TTK: variants seen among roughly 807,000 people sequenced by gnomAD.
The protein encoded by TTK is TTK protein kinase, also known as dual specificity protein kinase TTK.
A neutral mutation model predicts 117.3 loss-of-function variants in TTK; 59 were observed. The ratio of observed to expected loss-of-function variants is 0.50; its 90% confidence interval spans 0.41 to 0.62. The LOEUF (loss-of-function observed/expected upper bound fraction) is 0.62, where lower values mean the gene tolerates loss of function less well. TTK is among the 20% of genes least tolerant of loss of function. The pLI, the probability that TTK is intolerant of heterozygous loss-of-function variation, is 0.00. For synonymous variants in TTK, 302 were observed against 325.0 expected, an observed-to-expected ratio of 0.93 and a Z score of 0.76; for missense variants, 921 against 989.4, an observed-to-expected ratio of 0.93 and a Z score of 0.93.
chr6:80,040,386 C>T (rs952727841), intron 20 of TTK, 106 bp downstream of exon 20: 8 of 1,039,392 alleles, frequency 7.7e-6, no homozygotes, highest in African/African-American at 1.7e-5. Context: ...CCTTTGTCAG[C>T]CTGCCTTTTT....
At chr6:80,029,971 G>T (rs942158203) in intron 13 of TTK, among the ~76,000 whole-genome samples, 1 of 152,206 alleles carries the variant, frequency 6.6e-6, no homozygotes, top group Admixed American at 6.5e-5. Context: ...AGGCACAAAA[G>T]GAGGAGTGGG....
rs867311877 is a variant in TTK, at chr6:80,005,853, G to A, written c.10G>A (p.Glu4Lys). Residue 4 changes from glutamate to lysine, a missense_variant, in exon 2 of 22, where the codon GAG becomes AAG. Transcript: ENST00000369798. MES[E>K]DLSGRELTID... ...AGTTTTTTTCTTAGAAATGGAATCC[G>A]AGGATTTAAGTGGCAGAGAATTGAC... The A allele has an allele frequency of 2.5e-6, 4 of 1,611,880 alleles. No homozygotes were observed. Among genetic ancestry groups the A allele is most frequent in the Non-Finnish European group, 3.4e-6 (4 of 1,179,390 alleles).
intron 13 of TTK, among the ~76,000 whole-genome samples, chr6:80,030,538 G>T (rs1383870542): frequency 1.3e-5 from 2 of 152,098 alleles, no homozygotes; most frequent in Admixed American, 6.6e-5. Flanking sequence ...TTGGCTTCTG[G>T]GGAGGCCTCA....
At chr6:80,041,986 A>G in intron 21 of TTK, 133 bp from the exon 22 acceptor site, 1 of 489,812 alleles carries the variant, frequency 2.0e-6, no homozygotes, top group South Asian at 6.1e-5. Context: ...ATAGTTTATA[A>G]AATAATTTCC....
intron 4 of TTK, among the ~76,000 whole-genome samples, chr6:80,009,798 G>A (rs239554): frequency 0.62 from 93,310 of 151,288 alleles, 29,177 homozygotes; most frequent in Admixed American, 0.72. Context: ...CATCCCTGAA[G>A]TCCTATGCAG....
At position 80,014,558 on chromosome 6, in the gene TTK, G is replaced by A. The variant is rs200565788; in HGVS notation, c.1080G>A (p.Thr360=). 4.4e-6 allele frequency: 7 copies of A among 1,599,716 alleles called. No individual in the cohort carries two copies. In the East Asian group the frequency reaches 6.8e-5, roughly 15 times the overall value. ...ATTCAATAACCCTGAAGAATAAAAC[G>A]GAATCAAGTCTTCTAGCTAAATTAG... The part of the protein sequence containing the change: ...ITDSITLKNK[T]ESSLLAKLEE... The change falls in exon 10 of 22, where the codon ACG becomes ACA. Residue 360 remains threonine (T), a synonymous_variant. Coordinates refer to ENST00000369798, the MANE Select transcript of TTK (RefSeq NM_003318.5).
intron 10 of TTK, among the ~76,000 whole-genome samples, chr6:80,017,577 C>T (rs1364192659): frequency 6.6e-6 from 1 of 152,170 alleles, no homozygotes; most frequent in Non-Finnish European, 1.5e-5. Flanking sequence ...TCACACCAGG[C>T]CTAATGCTCT....
At chr6:80,015,005 A>C (rs1243454559) in intron 10 of TTK, among the ~76,000 whole-genome samples, 2 of 152,166 alleles carry the variant, frequency 1.3e-5, no homozygotes, top group African/African-American at 4.8e-5. Flanking sequence ...TTCAGTGTGG[A>C]AGATACACAG....
chr6:80,024,377 A>G (rs1465717848), intron 11 of TTK, among the ~76,000 whole-genome samples: 1 of 152,256 alleles, frequency 6.6e-6, no homozygotes, highest in Non-Finnish European at 1.5e-5. Context: ...ATGAATGGAT[A>G]AAGAAAATGT....
chr6:80,022,515 A>G, intron 11 of TTK, 43 bp downstream of exon 11: 1 of 1,590,660 alleles, frequency 6.3e-7, no homozygotes, highest in Middle Eastern at 1.7e-4. Flanking sequence ...TTTGTTCATA[A>G]TGCATTTCCG....
At chr6:80,020,987 G>C (rs545250881) in intron 10 of TTK, among the ~76,000 whole-genome samples, 9 of 152,366 alleles carry the variant, frequency 5.9e-5, no homozygotes, top group Middle Eastern at 3.4e-3. Context: ...GCACTGCAGA[G>C]TGACCTGCAT....
At chr6:80,036,736 T>G in intron 17 of TTK, 137 bp downstream of exon 17, 1 of 962,802 alleles carries the variant, frequency 1.0e-6, no homozygotes, top group Non-Finnish European at 1.4e-6. Flanking sequence ...AAGAATAGAT[T>G]TAAAAATATA....
chr6:80,035,427 AGTT>A lies in TTK; in HGVS notation c.1924+11_1924+13del. ...ACAATCCATCAACATGGTATTTAACAGTTTTTTTATATTTGTAAGGTTAAAATC... is the reference window on the plus strand; with the variant it reads ...ACAATCCATCAACATGGTATTTAACATTTTTATATTTGTAAGGTTAAAATC... On this transcript the variant is annotated intron_variant, in intron 16 of 21. Coordinates refer to ENST00000369798, the MANE Select transcript of TTK (RefSeq NM_003318.5). 6.3e-7 allele frequency: 1 copy of A among 1,587,128 alleles called. No homozygotes were observed. Among genetic ancestry groups the A allele is most frequent in the Non-Finnish European group, 8.5e-7 (1 of 1,171,040 alleles).
At position 80,007,990 on chromosome 6, in the gene TTK, GAGTTT is replaced by G; in HGVS notation, c.322_326del (p.Ser108CysfsTer2). 6.2e-7 allele frequency: 1 copy of G among 1,610,286 alleles called. No individual in the cohort carries two copies. Among genetic ancestry groups the G allele is most frequent in the Non-Finnish European group, 8.5e-7 (1 of 1,176,766 alleles). The stretch of plus-strand genomic sequence containing the variant: ...CCCCAGATAAATATGGCCAAAATGA[GAGTTT>G]TGCTAGAATTCAAGTGAGATTTGCT... On this transcript the variant is annotated frameshift_variant, in exon 3 of 22. Coordinates refer to ENST00000369798, the MANE Select transcript of TTK (RefSeq NM_003318.5). LOFTEE classifies it high-confidence loss of function.
rs376901853 is a variant in TTK at position 80,022,500 on chromosome 6, G to A, written c.1257+28G>A. On this transcript the variant is annotated intron_variant, in intron 11 of 21. Coordinates refer to ENST00000369798, the MANE Select transcript of TTK (RefSeq NM_003318.5). ...AACTTTTCCACTAAAGTACAATATT[G>A]CTTTTTTGTTCATAATGCATTTCCG... is the stretch of plus-strand genomic sequence containing the variant. The A allele has an allele frequency of 5.6e-6, 9 of 1,601,632 alleles. No individual in the cohort carries two copies. In the African/African-American group the frequency reaches 1.2e-4, roughly 22 times the overall value.
intron 10 of TTK, among the ~76,000 whole-genome samples, chr6:80,019,087 C>T (rs239573): frequency 0.62 from 94,015 of 151,962 alleles, 29,518 homozygotes; most frequent in Admixed American, 0.73. Flanking sequence ...GCTAATATTT[C>T]GTTTAGGACT....
Position 80,027,905 on chromosome 6 carries a change from A to C in TTK, c.1415A>C (p.Lys472Thr). Reference sequence around the variant, plus strand: ...CCTAGTTTTAGAACTCCAGTTGTAAAGAATGACTTTCCACCTGCTTGTCAG... The same window carrying C: ...CCTAGTTTTAGAACTCCAGTTGTAACGAATGACTTTCCACCTGCTTGTCAG... Reference protein sequence around the residue: ...YMSCFRTPVVKNDFPPACQLS... With the variant: ...YMSCFRTPVVTNDFPPACQLS... Residue 472 changes from lysine (K) to threonine (T), a missense_variant, in exon 13 of 22, where the codon AAG becomes ACG. By Grantham distance (78) the Lys-to-Thr change is moderately conservative (BLOSUM62 -1). Coordinates refer to ENST00000369798, the MANE Select transcript of TTK (RefSeq NM_003318.5). 6.2e-7 allele frequency: 1 copy of C among 1,602,554 alleles called. No individual in the cohort carries two copies. The highest frequency in any genetic ancestry group is 8.5e-7 in the Non-Finnish European group (1 of 1,173,766).
Position 80,040,244 on chromosome 6 carries a change from C to T in TTK, c.2356C>T (p.Leu786=). The T allele has an allele frequency of 2.5e-6, 4 of 1,592,636 alleles. No homozygotes were observed. Among genetic ancestry groups the T allele is most frequent in the Admixed American group, 1.7e-5 (1 of 57,260 alleles). The change falls in exon 20 of 22, where the codon CTG becomes TTG. Residue 786 remains leucine, a synonymous_variant. Transcript: ENST00000369798. Reference sequence around the variant, plus strand: ...ACAGAGGATATCCATTCCTGAGCTCCTGGCTCATCCATATGTTCAAATTCA... The same window carrying T: ...ACAGAGGATATCCATTCCTGAGCTCTTGGCTCATCCATATGTTCAAATTCA... ...PKQRISIPEL[L]AHPYVQIQTH...
chr6:80,040,203 TA>T lies in TTK; in HGVS notation c.2320del (p.Arg774GlyfsTer36), dbSNP rs1215363692. On this transcript the variant is annotated frameshift_variant, in exon 20 of 22. Transcript: ENST00000369798. LOFTEE classifies it high-confidence loss of function. ...ATATCTTTGTTTTAATAGTGTTGTT[TA>T]AAAAGGGACCCAAAACAGAGGATAT... ...KDLQDVLKCC[L>X]KRDPKQRISI... 5.7e-6 allele frequency: 9 copies of T among 1,583,378 alleles called. No individual in the cohort carries two copies. Among genetic ancestry groups the T allele is most frequent in the Admixed American group, 3.6e-5 (2 of 55,374 alleles).
Sources: allele counts gnomAD v4.1 joint callset (sites outside exome capture counted in the v4.1 genomes callset), GRCh38; gene constraint gnomAD v4.1.1; transcripts MANE v1.5; gene names NCBI Gene and HGNC (gene_info 2026-07-23, HGNC 2026-07-21).